DLG2: variants seen among roughly 807,000 people sequenced by gnomAD.
The protein encoded by DLG2 is disks large homolog 2.
DLG2 carries 45 observed loss-of-function variants against 132.5 expected under a neutral mutation model. The ratio of observed to expected loss-of-function variants is 0.34; its 90% CI spans 0.27 to 0.44. The LOEUF is 0.44. DLG2 is among the 20% of genes least tolerant of loss of function. DLG2 has a pLI of 1.00. For synonymous variants in DLG2, 424 were observed against 419.6 expected, an observed-to-expected ratio of 1.01 and a Z score of -0.13; for missense variants, 1,045 against 1,196.9, an observed-to-expected ratio of 0.87 and a Z score of 1.87.
intron 3 of DLG2, chr11:85,509,843 C>T (rs552772272): frequency 6.6e-6 from 1 of 151,964 alleles, no homozygotes; most frequent in African/African-American, 2.4e-5. Flanking sequence ...ACTATGAATG[C>T]ATATAACTGG....
intron 9 of DLG2, among the ~76,000 whole-genome samples, chr11:84,140,692 A>T (rs1016684832): frequency 1.3e-5 from 2 of 152,164 alleles, no homozygotes; most frequent in Non-Finnish European, 2.9e-5. Flanking sequence ...AAACAAAAAT[A>T]AATGTATCTC....
chr11:85,117,795 G>A (rs1018517857), intron 5 of DLG2, among the ~76,000 whole-genome samples: 2 of 151,974 alleles, frequency 1.3e-5, no homozygotes, highest in African/African-American at 2.4e-5. Context: ...ATTTGGGACT[G>A]AGCAATTTTA....
At chr11:83,915,149 G>A (rs2076716428) in intron 15 of DLG2, among the ~76,000 whole-genome samples, 1 of 152,184 alleles carries the variant, frequency 6.6e-6, no homozygotes, top group Non-Finnish European at 1.5e-5. Context: ...AATAAGATTA[G>A]ATAGGGACTG....
At chr11:84,257,039 A>C (rs2097483841) in intron 7 of DLG2, among the ~76,000 whole-genome samples, 1 of 152,212 alleles carries the variant, frequency 6.6e-6, no homozygotes, top group African/African-American at 2.4e-5. Context: ...CACATACCCC[A>C]TCAACTTTGA....
intron 26 of DLG2, among the ~76,000 whole-genome samples, chr11:83,466,250 T>TA (rs2091018307): frequency 6.6e-6 from 1 of 151,432 alleles, no homozygotes; most frequent in African/African-American, 2.4e-5. Context: ...GCTCTCTCTA[T>TA]AAAAAATCTA....
chr11:83,874,862 T>C (rs78385399), intron 15 of DLG2, among the ~76,000 whole-genome samples: 325 of 152,324 alleles, frequency 2.1e-3, no homozygotes, highest in African/African-American at 7.7e-3. Context: ...GATTTTAATA[T>C]GTATTATTCA....
At chr11:84,852,139 T>G (rs1351745959) in intron 6 of DLG2, among the ~76,000 whole-genome samples, 1 of 152,012 alleles carries the variant, frequency 6.6e-6, no homozygotes, top group African/African-American at 2.4e-5. Context: ...TATAGCTGCT[T>G]CTTTTTATAC....
chr11:83,676,522 T>C (rs1281523677), intron 18 of DLG2, among the ~76,000 whole-genome samples: 4 of 152,226 alleles, frequency 2.6e-5, no homozygotes, highest in Non-Finnish European at 4.4e-5. Flanking sequence ...ATACTATGTG[T>C]TAAGTATTTA....
At chr11:84,106,947 A>G (rs1204286629) in intron 9 of DLG2, among the ~76,000 whole-genome samples, 2 of 36,462 alleles carry the variant, frequency 5.5e-5, no homozygotes, top group Non-Finnish European at 1.5e-4. Flanking sequence ...TGTGTGTGAG[A>G]GAGAGAAAGA....
In DLG2 at chr11:84,702,104, G is replaced by A. The variant is rs185290494; in HGVS notation, c.358-167373C>T. Among the ~76,000 whole-genome samples, 8 of 151,688 alleles carry A rather than the reference G, an allele frequency of 5.3e-5. No homozygotes were observed. In the East Asian group the frequency reaches 5.9e-4, roughly 11 times the overall value. ...GAATACATATATTTGCTAAATGAACGAATAAATAAATCATCAATAACATCA... is the reference window on the plus strand; with the variant it reads ...GAATACATATATTTGCTAAATGAACAAATAAATAAATCATCAATAACATCA... On this transcript the variant is annotated intron_variant, in intron 6 of 27. Coordinates refer to ENST00000376104, the MANE Select transcript of DLG2 (RefSeq NM_001142699.3).
chr11:85,326,543 A>C (rs1460511602), intron 3 of DLG2, among the ~76,000 whole-genome samples: 1 of 75,372 alleles, frequency 1.3e-5, no homozygotes, highest in Non-Finnish European at 2.6e-5. Context: ...GTGAAGGAGA[A>C]ATAAAATACT....
Position 83,833,740 on chromosome 11 carries a change from G to A in DLG2, c.1596C>T (p.Gly532=). The A allele has an allele frequency of 1.2e-6, 2 of 1,614,042 alleles. No homozygotes were observed. The highest frequency in any genetic ancestry group is 8.5e-7 in the Non-Finnish European group (1 of 1,179,950). Residue 532 remains glycine, a synonymous_variant, in exon 17 of 28, where the codon GGC becomes GGT. Transcript: ENST00000376104. ...CAATGTTGAAGCCCAGGCCAGTGGA[G>A]CCTTTGTGCAGGACTACCTTGCGAG... ...GEPRKVVLHK[G]STGLGFNIVG...
intron 7 of DLG2, among the ~76,000 whole-genome samples, chr11:84,442,562 G>A (rs2099020525): frequency 6.6e-6 from 1 of 151,994 alleles, no homozygotes; most frequent in Non-Finnish European, 1.5e-5. Flanking sequence ...GATAGCATTA[G>A]GAAAAATACC....
Position 84,034,603 on chromosome 11 carries a change from A to C in DLG2, c.919+24712T>G, listed in dbSNP as rs552856410. On this transcript the variant is annotated intron_variant, in intron 11 of 27. Transcript: ENST00000376104. ...GGTCAGTCTTGCCTCAATATGATTT[A>C]GAATGGATGAGCAATGTGGTTCTGG... Among the ~76,000 whole-genome samples the C allele has an allele frequency of 4.6e-5, 7 of 152,312 alleles. No individual in the cohort carries two copies. The South Asian group carries it at 1.5e-3, about 32-fold the overall frequency.
At chr11:83,663,506 C>A (rs1253761968) in intron 18 of DLG2, among the ~76,000 whole-genome samples, 3 of 152,082 alleles carry the variant, frequency 2.0e-5, no homozygotes, top group African/African-American at 7.2e-5. Context: ...GGCAAGACAC[C>A]CTGTTAAAAA....
chr11:85,042,187 G>C (rs1254220485), intron 6 of DLG2, among the ~76,000 whole-genome samples: 1 of 151,948 alleles, frequency 6.6e-6, no homozygotes, highest in Admixed American at 6.6e-5. Flanking sequence ...GAATAGGTTT[G>C]AAGCGCAAAA....
At chr11:83,819,898 C>A (rs542203309) in intron 17 of DLG2, among the ~76,000 whole-genome samples, 2 of 152,142 alleles carry the variant, frequency 1.3e-5, no homozygotes, top group Non-Finnish European at 2.9e-5. Flanking sequence ...GAGCTCCCAG[C>A]TGATTCCTAG....
intron 6 of DLG2, among the ~76,000 whole-genome samples, chr11:84,667,512 T>TTTGAGTCA (rs1231591184): frequency 1.3e-5 from 2 of 149,484 alleles, no homozygotes; most frequent in Non-Finnish European, 3.0e-5. Flanking sequence ...TTTTTTTTTT[T>TTTGAGTCA]TTGAGTCATA....
chr11:85,460,302 G>C (rs1383114260), intron 3 of DLG2, among the ~76,000 whole-genome samples: 1 of 152,174 alleles, frequency 6.6e-6, no homozygotes, highest in Non-Finnish European at 1.5e-5. Context: ...ATGTGTGCCT[G>C]GGCAGCAGCT....
Sources: allele counts gnomAD v4.1 joint callset (sites outside exome capture counted in the v4.1 genomes callset), GRCh38; gene constraint gnomAD v4.1.1; transcripts MANE v1.5; gene names NCBI Gene and HGNC (gene_info 2026-07-23, HGNC 2026-07-21).